The following PPP3CA variants were observed in gnomAD, a reference collection of about 807,000 sequenced individuals.
The protein encoded by PPP3CA is protein phosphatase 3 catalytic subunit alpha.
PPP3CA carries 14 observed loss-of-function variants against 66.5 expected under a neutral mutation model. The observed-to-expected ratio is 0.21, with a 90% confidence interval of 0.14 to 0.33. The LOEUF (loss-of-function observed/expected upper bound fraction) is 0.33. Ranked by LOEUF, PPP3CA falls within the 10% of genes least tolerant of loss-of-function variation. PPP3CA has a pLI of 1.00. For missense variants in PPP3CA, 317 were observed against 639.5 expected (o/e 0.50, Z 5.44); for synonymous variants, 232 against 226.2 (o/e 1.03, Z -0.23).
In PPP3CA at chr4:101,275,193, A is replaced by T. The variant is rs149274958; in HGVS notation, c.58+71546T>A. Reference sequence around the variant, plus strand: ...TAAACTCTCTGCAGCCCTGACTCCAAGCTTCTGCAGTAATTATTCCTTTAC... The same window carrying T: ...TAAACTCTCTGCAGCCCTGACTCCATGCTTCTGCAGTAATTATTCCTTTAC... On this transcript the variant is annotated intron_variant, in intron 1 of 13. Coordinates refer to ENST00000394854, the MANE Select transcript of PPP3CA (RefSeq NM_000944.5). Among the ~76,000 whole-genome samples the T allele has an allele frequency of 7.3e-4, 111 of 152,272 alleles. 1 individual carries two copies. Among genetic ancestry groups the T allele is most frequent in the African/African-American group, 2.5e-3 (102 of 41,552 alleles).
At chr4:101,337,658 C>A (rs1029564230) in intron 1 of PPP3CA, among the ~76,000 whole-genome samples, 1 of 152,158 alleles carries the variant, frequency 6.6e-6, no homozygotes, top group Admixed American at 6.5e-5. Context: ...TATATCCCGG[C>A]CCATGTGAGA....
chr4:101,215,343 A>C (rs1725422141), intron 1 of PPP3CA, among the ~76,000 whole-genome samples: 1 of 152,082 alleles, frequency 6.6e-6, no homozygotes, highest in African/African-American at 2.4e-5. Context: ...GAATATAAAT[A>C]GACTTCTCTA....
chr4:101,325,107 CTAGA>C (rs910745238), intron 1 of PPP3CA, among the ~76,000 whole-genome samples: 12 of 152,210 alleles, frequency 7.9e-5, no homozygotes, highest in African/African-American at 2.9e-4. Flanking sequence ...GGAGGCTTAC[CTAGA>C]TAGTCTAATT....
chr4:101,190,534 G>T (rs1040736374), intron 2 of PPP3CA, among the ~76,000 whole-genome samples: 1 of 152,030 alleles, frequency 6.6e-6, no homozygotes, highest in Admixed American at 6.6e-5. Flanking sequence ...TTACTGATTC[G>T]TACACACAAA....
At chr4:101,178,882 C>T (rs1724147908) in intron 2 of PPP3CA, among the ~76,000 whole-genome samples, 1 of 152,094 alleles carries the variant, frequency 6.6e-6, no homozygotes, top group Admixed American at 6.6e-5. Flanking sequence ...TCCAACCACA[C>T]ATAAACCACC....
Position 101,285,591 on chromosome 4 carries a change from CTGTGTGTATGTGTGTG to C in PPP3CA, c.58+61132_58+61147del, listed in dbSNP as rs1435589678. On this transcript the variant is annotated intron_variant, in intron 1 of 13. Coordinates refer to ENST00000394854, the MANE Select transcript of PPP3CA (RefSeq NM_000944.5). ...CCTTTCCCTTCCCTTTCAAATGCCA[CTGTGTGTATGTGTGTG>C]TGTGTGTGTGTGTGTGTGTGTGTGT... 3.7e-3 allele frequency among the ~76,000 whole-genome samples: 485 copies of C among 131,856 alleles called. 4 individuals are homozygous for C. Among genetic ancestry groups the C allele is most frequent in the Middle Eastern group, 0.015 (4 of 266 alleles). 86.5% of individuals were successfully genotyped at this position (131,856 alleles called of 152,430 possible). A position where few individuals can be genotyped will look rare whatever the true frequency, so the allele number is the denominator to read the frequency against.
chr4:101,164,243 C>T (rs58879959), intron 2 of PPP3CA, among the ~76,000 whole-genome samples: 23,374 of 151,912 alleles, frequency 0.15, 2,480 homozygotes, highest in East Asian at 0.29. Flanking sequence ...CTTATCCCAC[C>T]CCATACAATT....
intron 1 of PPP3CA, among the ~76,000 whole-genome samples, chr4:101,282,498 T>C (rs1233504822): frequency 6.6e-6 from 1 of 152,216 alleles, no homozygotes; most frequent in Non-Finnish European, 1.5e-5. Flanking sequence ...GCATATTCCC[T>C]GGATTGGACT....
chr4:101,307,929 C>T (rs941762789), intron 1 of PPP3CA, among the ~76,000 whole-genome samples: 3 of 152,156 alleles, frequency 2.0e-5, no homozygotes, highest in Admixed American at 6.5e-5. Flanking sequence ...TTCCACTTCA[C>T]GATTTGAATC....
In PPP3CA at chr4:101,346,877, A is replaced by ACGCCGCCGCCGCCGC. The variant is rs3974660; in HGVS notation, c.-96_-82dup. ...ACCGGACCGGCGGGCCAGACACTCAACGCCGCCGCCGCCGCCGCCGCCGCC... is the reference window on the plus strand; with the variant it reads ...ACCGGACCGGCGGGCCAGACACTCAACGCCGCCGCCGCCGCCGCCGCCGCCGCCGCCGCCGCCGCC... On this transcript the variant is annotated 5_prime_UTR_variant, in exon 1 of 14. Transcript: ENST00000394854. 83 of 1,293,026 alleles carry ACGCCGCCGCCGCCGC rather than the reference A, an allele frequency of 6.4e-5. 1 individual carries two copies. In the African/African-American group the frequency reaches 6.5e-4, roughly 10 times the overall value. The allele number at this position is 1,293,026 out of a possible 1,614,324, so 80.1% of individuals were successfully genotyped here.
At chr4:101,223,266 A>G (rs1306872496) in intron 1 of PPP3CA, among the ~76,000 whole-genome samples, 1 of 151,784 alleles carries the variant, frequency 6.6e-6, no homozygotes, top group African/African-American at 2.4e-5. Context: ...AAATGTAACT[A>G]TCTCACTTAA....
intron 1 of PPP3CA, among the ~76,000 whole-genome samples, chr4:101,230,029 T>C (rs1725910373): frequency 6.6e-6 from 1 of 151,526 alleles, no homozygotes; most frequent in East Asian, 1.9e-4. Context: ...ATAAATACAG[T>C]TCCTTCTTTA....
At chr4:101,030,959 G>GT (rs1281330829) in intron 12 of PPP3CA, among the ~76,000 whole-genome samples, 3 of 63,502 alleles carry the variant, frequency 4.7e-5, no homozygotes, top group South Asian at 4.1e-4. Context: ...ACTTTTGTGT[G>GT]TGTTTTTTTT....
At chr4:101,095,960 C>T (rs948225577) in intron 5 of PPP3CA, among the ~76,000 whole-genome samples, 20 of 152,080 alleles carry the variant, frequency 1.3e-4, no homozygotes, top group Non-Finnish European at 1.6e-4. Flanking sequence ...CAGAAAGAAA[C>T]AATTTTATAC....
chr4:101,042,173 CTTTTTT>C (rs558866853), intron 10 of PPP3CA, among the ~76,000 whole-genome samples: 1 of 91,160 alleles, frequency 1.1e-5, no homozygotes, highest in Non-Finnish European at 2.3e-5. Context: ...AAGGTCTTTG[CTTTTTT>C]TTTTTTTTTT....
intron 7 of PPP3CA, among the ~76,000 whole-genome samples, chr4:101,081,958 A>G (rs1729460951): frequency 6.6e-6 from 1 of 152,244 alleles, no homozygotes; most frequent in Admixed American, 6.5e-5. Context: ...ACTGGATGAC[A>G]TAATCTCAAT....
intron 1 of PPP3CA, among the ~76,000 whole-genome samples, chr4:101,313,194 T>G (rs1012630437): frequency 2.6e-5 from 4 of 152,044 alleles, no homozygotes; most frequent in African/African-American, 4.8e-5. Context: ...GAAGGGTCTT[T>G]TTTTCTTTTT....
At chr4:101,180,901 C>T (rs1166707676) in intron 2 of PPP3CA, among the ~76,000 whole-genome samples, 1 of 151,826 alleles carries the variant, frequency 6.6e-6, no homozygotes, top group African/African-American at 2.4e-5. Context: ...GTGGTGTGCA[C>T]CTCATTAGCA....
intron 2 of PPP3CA, among the ~76,000 whole-genome samples, chr4:101,128,497 C>T (rs747285275): frequency 1.4e-4 from 21 of 151,888 alleles, no homozygotes; most frequent in Non-Finnish European, 2.2e-4. Context: ...CAGCTCCCAG[C>T]GACACCAATG....
Sources: gnomAD v4.1 joint callset for allele counts (sites outside exome capture counted in the v4.1 genomes callset) on GRCh38, gnomAD v4.1.1 for gene constraint, MANE v1.5 for transcripts, NCBI Gene and HGNC (gene_info 2026-07-23, HGNC 2026-07-21) for gene names.